Variants in METTL15 observed in about 807,000 individuals in gnomAD.
The protein encoded by METTL15 is 12S rRNA N(4)-cytidine methyltransferase METTL15.
METTL15 carries 34 observed loss-of-function variants against 38.3 expected under a neutral mutation model. The observed-to-expected ratio is 0.89, with a 90% confidence interval of 0.68 to 1.18. METTL15 has a LOEUF of 1.18. METTL15 is among the 50% of genes most tolerant of loss of function. The probability of loss-of-function intolerance (pLI) is 0.00; values close to 1 mark genes in which losing one functional copy is unlikely to be tolerated. For missense variants in METTL15, 438 were observed against 498.4 expected (o/e 0.88, Z 1.15); for synonymous variants, 162 against 170.9 (o/e 0.95, Z 0.41).
intron 4 of METTL15, among the ~76,000 whole-genome samples, chr11:28,241,600 A>C (rs1437550159): frequency 6.6e-6 from 1 of 151,832 alleles, no homozygotes; most frequent in South Asian, 2.1e-4. Flanking sequence ...TGGGGATTGT[A>C]GATAAAGCTT....
At chr11:28,214,714 G>A (rs1414116645) in intron 4 of METTL15, among the ~76,000 whole-genome samples, 1 of 152,134 alleles carries the variant, frequency 6.6e-6, no homozygotes, top group Non-Finnish European at 1.5e-5. Flanking sequence ...TCTATAAATA[G>A]TATTTCTCAA....
At chr11:28,220,598 G>A (rs184354362) in intron 4 of METTL15, among the ~76,000 whole-genome samples, 54 of 152,226 alleles carry the variant, frequency 3.5e-4, no homozygotes, top group Non-Finnish European at 5.0e-4. Flanking sequence ...ATTTGATCCC[G>A]TCATTATGAT....
intron 6 of METTL15, among the ~76,000 whole-genome samples, chr11:28,491,964 C>G (rs1187005587): frequency 1.3e-5 from 2 of 152,078 alleles, no homozygotes; most frequent in African/African-American, 2.4e-5. Context: ...CCTGGTATCA[C>G]TATTAGCTAT....
chr11:28,178,894 A>G (rs566357985), intron 3 of METTL15, among the ~76,000 whole-genome samples: 9 of 151,872 alleles, frequency 5.9e-5, no homozygotes, highest in African/African-American at 2.2e-4. Flanking sequence ...GATTTTTTTG[A>G]CATCATCAAG....
At chr11:28,214,318 G>A (rs574712634) in intron 4 of METTL15, among the ~76,000 whole-genome samples, 3 of 152,214 alleles carry the variant, frequency 2.0e-5, no homozygotes, top group East Asian at 1.9e-4. Flanking sequence ...ATAGGCATGA[G>A]CCACCATGCC....
intron 3 of METTL15, among the ~76,000 whole-genome samples, chr11:28,126,044 G>A (rs187852306): frequency 5.9e-5 from 9 of 152,058 alleles, no homozygotes; most frequent in African/African-American, 2.2e-4. Flanking sequence ...TCTTCTTGAC[G>A]AAATTTTCCA....
chr11:28,327,639 A>G (rs926834527), intron 6 of METTL15: 2 of 152,886 alleles, frequency 1.3e-5, no homozygotes, highest in African/African-American at 4.8e-5. Context: ...TAAATGAATT[A>G]TAAATTATGT....
At chr11:28,297,467 TA>T (rs1856782818) in intron 6 of METTL15, among the ~76,000 whole-genome samples, 2 of 152,174 alleles carry the variant, frequency 1.3e-5, no homozygotes, top group East Asian at 1.9e-4. Context: ...ATATGATGTA[TA>T]GGTTATTCCA....
At chr11:28,436,075 A>G (rs1850979814) in intron 6 of METTL15, among the ~76,000 whole-genome samples, 1 of 152,236 alleles carries the variant, frequency 6.6e-6, no homozygotes, top group Non-Finnish European at 1.5e-5. Context: ...CACTTTCAAC[A>G]TCCTGCATGG....
At chr11:28,129,274 CA>C (rs1354955397) in intron 3 of METTL15, among the ~76,000 whole-genome samples, 4 of 151,982 alleles carry the variant, frequency 2.6e-5, no homozygotes, top group Non-Finnish European at 5.9e-5. Context: ...AGATTTCCCC[CA>C]ATTTTCTTAA....
At chr11:28,369,764 C>A (rs894984209) in intron 5 of METTL15, among the ~76,000 whole-genome samples, 1 of 152,060 alleles carries the variant, frequency 6.6e-6, no homozygotes, top group Non-Finnish European at 1.5e-5. Flanking sequence ...CAAAACTAGA[C>A]CTGCCTTGCA....
chr11:28,113,163 A>G (rs1348230874), intron 2 of METTL15, among the ~76,000 whole-genome samples, 155 bp from the exon 3 acceptor site: 1 of 152,080 alleles, frequency 6.6e-6, no homozygotes, highest in African/African-American at 2.4e-5. Flanking sequence ...TATATATAAG[A>G]AGGGTTTGTC....
chr11:28,118,793 C>G lies in METTL15; in HGVS notation c.270+5189C>G, dbSNP rs74982436. ...CTTTCCATGGTTGTGCCTCAGATTC[C>G]TTATCTGTAAAATAAGGAAAGAGAA... On this transcript the variant is annotated intron_variant, in intron 3 of 6. Coordinates refer to ENST00000407364, the MANE Select transcript of METTL15 (RefSeq NM_001113528.2). Among the ~76,000 whole-genome samples, 1,457 of 152,118 alleles carry G rather than the reference C, an allele frequency of 9.6e-3. 13 individuals are homozygous for G. The highest frequency in any genetic ancestry group is 0.016 in the Non-Finnish European group (1,081 of 67,984).
chr11:28,380,025 C>T (rs1184540756), intron 5 of METTL15, among the ~76,000 whole-genome samples: 1 of 151,948 alleles, frequency 6.6e-6, no homozygotes, highest in Non-Finnish European at 1.5e-5. Context: ...TGTAGCTATT[C>T]CTGCTCTTTT....
At chr11:28,346,555 A>G in intron 3 of METTL15, among the ~76,000 whole-genome samples, 1 of 152,208 alleles carries the variant, frequency 6.6e-6, no homozygotes, top group East Asian at 1.9e-4. Context: ...ATTTGTAATT[A>G]AGAATAAACT....
At chr11:28,189,731 G>A (rs1280739732) in intron 3 of METTL15, among the ~76,000 whole-genome samples, 1 of 151,154 alleles carries the variant, frequency 6.6e-6, no homozygotes. Flanking sequence ...GTGGTGATTA[G>A]TTAGCCAATA....
In METTL15 at chr11:28,296,727, A is replaced by G. The variant is rs933265796; in HGVS notation, c.600-26A>G. The G allele has an allele frequency of 1.9e-6, 3 of 1,610,044 alleles. No homozygotes were observed. The African/African-American group carries it at 4.0e-5, about 22-fold the overall frequency. On this transcript the variant is annotated intron_variant, in intron 5 of 6. Transcript: ENST00000407364. ...TTGTCAATGAGAACTGATGTCAGTG[A>G]ACTAATTGGCTCTTCTTGTGCGTAG...
intron 3 of METTL15, among the ~76,000 whole-genome samples, chr11:28,194,001 A>T (rs1484193092): frequency 6.6e-6 from 1 of 151,870 alleles, no homozygotes; most frequent in East Asian, 1.9e-4. Context: ...GTTGCCCACA[A>T]TACCGGTTTG....
intron 3 of METTL15, among the ~76,000 whole-genome samples, chr11:28,343,274 C>T (rs1849969577): frequency 6.6e-6 from 1 of 151,176 alleles, no homozygotes; most frequent in Non-Finnish European, 1.5e-5. Flanking sequence ...TAGAATCTAT[C>T]TTTGTTCCTT....
Sources: gnomAD v4.1 joint callset for allele counts (sites outside exome capture counted in the v4.1 genomes callset) on GRCh38, gnomAD v4.1.1 for gene constraint, MANE v1.5 for transcripts, NCBI Gene and HGNC (gene_info 2026-07-23, HGNC 2026-07-21) for gene names.